Variants in C16orf90 observed in about 807,000 individuals in gnomAD.
C16orf90 encodes uncharacterized protein C16orf90.
In C16orf90, 17 loss-of-function variants were observed where a neutral mutation model predicts 17.1. The ratio of observed to expected loss-of-function variants is 1.00; its 90% CI spans 0.68 to 1.49. The LOEUF (loss-of-function observed/expected upper bound fraction) is 1.49. Among genes scored for constraint, C16orf90 ranks in the 40% most tolerant of loss-of-function variants. The probability of loss-of-function intolerance (pLI) is 0.00; values close to 1 mark genes in which losing one functional copy is unlikely to be tolerated. For synonymous variants in C16orf90, 108 were observed against 95.8 expected, an observed-to-expected ratio of 1.13 and a Z score of -0.75; for missense variants, 255 against 235.5, an observed-to-expected ratio of 1.08 and a Z score of -0.54.
At position 3,495,237 on chromosome 16, in the gene C16orf90, C is replaced by G. The variant is rs1024716804; in HGVS notation, c.46+139G>C. On this transcript the variant is annotated intron_variant, in intron 1 of 2. Transcript: ENST00000437192. ...AGTGGGTTTGAGAGAAAGTGGCCAG[C>G]CCAGGGGCTCATGGCCTGGCCCAGT... 5.0e-5 allele frequency: 50 copies of G among 996,172 alleles called. No homozygotes were observed. In the African/African-American group the frequency reaches 7.7e-4, roughly 15 times the overall value. The allele number at this position is 996,172 out of a possible 1,614,324, so 61.7% of individuals were successfully genotyped here.
intron 2 of C16orf90, among the ~76,000 whole-genome samples, chr16:3,494,210 C>T (rs2037270338): frequency 6.6e-6 from 1 of 152,164 alleles, no homozygotes. Context: ...CCTCATTTTA[C>T]AAGTGAGAAA....
chr16:3,493,492 T>C lies in C16orf90; in HGVS notation c.*347A>G. 5.3e-6 allele frequency: 1 copy of C among 187,602 alleles called. No homozygotes were observed. The highest frequency in any genetic ancestry group is 1.1e-5 in the Non-Finnish European group (1 of 88,496). The allele number at this position is 187,602 out of a possible 1,614,324, so 11.6% of individuals were successfully genotyped here. On this transcript the variant is annotated 3_prime_UTR_variant, in exon 3 of 3. Coordinates refer to ENST00000437192, the MANE Select transcript of C16orf90 (RefSeq NM_001080524.2). ...GCAGATGGACAAGAACGTGCAGGCC[T>C]TGGCTTTTATTGAGATCAGAGCTGT...
At chr16:3,496,475 G>A (rs2037311647), upstream of C16orf90, 2 of 754,130 alleles carry the variant, frequency 2.7e-6, no homozygotes, top group Non-Finnish European at 4.4e-6. Context: ...CGGATGACGC[G>A]AGGGTTCAGG....
chr16:3,496,515 C>T, upstream of C16orf90: 1 of 589,160 alleles, frequency 1.7e-6, no homozygotes, highest in South Asian at 1.4e-5. Context: ...GTGTGCGCTG[C>T]CCGTGACCAG....
chr16:3,496,478 G>T (rs1207364656), upstream of C16orf90: 4 of 749,050 alleles, frequency 5.3e-6, no homozygotes, highest in South Asian at 2.7e-5. Context: ...ATGACGCGAG[G>T]GTTCAGGAGG....
upstream of C16orf90, chr16:3,496,371 C>G (rs1489299512): frequency 8.2e-7 from 1 of 1,214,026 alleles, no homozygotes; most frequent in South Asian, 1.2e-5. Context: ...ATGAGTCGCA[C>G]CAACCGGCCA....
chr16:3,496,090 C>G (rs1008226068), upstream of C16orf90: 8 of 352,506 alleles, frequency 2.3e-5, no homozygotes, highest in Non-Finnish European at 4.4e-5. Flanking sequence ...GCAGTGAGCC[C>G]AGATCGCGCC....
At chr16:3,495,628 G>T, upstream of C16orf90, 1 of 1,108,190 alleles carries the variant, frequency 9.0e-7, no homozygotes, top group South Asian at 1.6e-5. Flanking sequence ...CATGGGAAGG[G>T]GCCAGAACCC....
chr16:3,495,833 CG>C (rs1330495828), upstream of C16orf90, among the ~76,000 whole-genome samples: 1 of 151,994 alleles, frequency 6.6e-6, no homozygotes, highest in Non-Finnish European at 1.5e-5. Context: ...GGGCTGGGGG[CG>C]GTGGCTCATG....
upstream of C16orf90, chr16:3,496,518 G>T (rs986975428): frequency 1.7e-6 from 1 of 580,796 alleles, no homozygotes; most frequent in South Asian, 1.4e-5. Flanking sequence ...TGCGCTGCCC[G>T]TGACCAGCCG....
rs1205781465 is a variant in C16orf90, at chr16:3,494,530, T to C, written c.394A>G (p.Ser132Gly). 2.5e-6 allele frequency: 4 copies of C among 1,612,664 alleles called. No homozygotes were observed. The highest frequency in any genetic ancestry group is 2.2e-5 in the East Asian group (1 of 44,868). ...CTGCCTTGACAGAGCTCACCACTGC[T>C]TCCCAGGCTGTCCCTGGGCAATCGG... ...EARLPRDSLGSSASSSSMDPD... is the reference protein window; with the variant it reads ...EARLPRDSLGGSASSSSMDPD... Residue 132 changes from serine (S) to glycine (G), a missense_variant, in exon 2 of 3, where the codon AGC becomes GGC. Ser to Gly is a moderately conservative substitution (Grantham distance 56). Coordinates refer to ENST00000437192, the MANE Select transcript of C16orf90 (RefSeq NM_001080524.2).
upstream of C16orf90, chr16:3,496,109 C>A (rs555362989): frequency 5.4e-6 from 2 of 369,410 alleles, no homozygotes; most frequent in Admixed American, 3.7e-5. Context: ...CCACTGCACT[C>A]CAGCCTGGGC....
At chr16:3,495,680 TAAAA>T (rs1307525310), upstream of C16orf90, among the ~76,000 whole-genome samples, 1 of 152,168 alleles carries the variant, frequency 6.6e-6, no homozygotes, top group East Asian at 1.9e-4. Context: ...TCAGGCCACA[TAAAA>T]CAGACAGCTC....
rs371648199 is a variant in C16orf90, at chr16:3,494,739, A to C, written c.185T>G (p.Leu62Arg). 1 of 1,605,034 alleles carries C rather than the reference A, an allele frequency of 6.2e-7. No individual in the cohort carries two copies. Among genetic ancestry groups the C allele is most frequent in the South Asian group, 1.1e-5 (1 of 90,856 alleles). The change falls in exon 2 of 3, where the codon CTC (leucine) becomes CGC (arginine). Residue 62 changes from leucine to arginine, a missense_variant. Physicochemically the swap from Leu to Arg is moderately radical, Grantham distance 102. Coordinates refer to ENST00000437192, the MANE Select transcript of C16orf90 (RefSeq NM_001080524.2). Reference sequence around the variant, plus strand: ...CTCCAGGTAGAGGCCCAGGCCCCGGAGGTGGCGCAGCCGGAAGTTCTTGGG... The same window carrying C: ...CTCCAGGTAGAGGCCCAGGCCCCGGCGGTGGCGCAGCCGGAAGTTCTTGGG... ...SKPKNFRLRH[L>R]RGLGLYLESH...
chr16:3,494,504 C>A lies in C16orf90; in HGVS notation c.400+20G>T. The stretch of plus-strand genomic sequence containing the variant: ...CCTAGGGTCTTCCCCCGTGCCCAGT[C>A]CTGCCTTGACAGAGCTCACCACTGC... On this transcript the variant is annotated intron_variant, in intron 2 of 2. Coordinates refer to ENST00000437192, the MANE Select transcript of C16orf90 (RefSeq NM_001080524.2). 6.2e-7 allele frequency: 1 copy of A among 1,607,384 alleles called. No individual in the cohort carries two copies. Among genetic ancestry groups the A allele is most frequent in the South Asian group, 1.1e-5 (1 of 90,674 alleles).
In C16orf90 at chr16:3,494,802, G is replaced by A. The variant is rs767209858; in HGVS notation, c.122C>T (p.Ser41Phe). The A allele has an allele frequency of 1.3e-6, 2 of 1,581,372 alleles. No individual in the cohort carries two copies. The highest frequency in any genetic ancestry group is 1.4e-5 in the African/African-American group (1 of 73,626). The change falls in exon 2 of 3, where the codon TCC becomes TTC. Residue 41 changes from serine (S) to phenylalanine (F), a missense_variant. Physicochemically the swap from Ser to Phe is radical, Grantham distance 155. Transcript: ENST00000437192. ...PPNIYEGGLGSPQPQCPSAQG... is the reference protein window; with the variant it reads ...PPNIYEGGLGFPQPQCPSAQG... ...GGCACTGGGGCACTGCGGCTGCGGGGACCCCAGGCCCCCCTCGTAGATGTT... is the reference window on the plus strand; with the variant it reads ...GGCACTGGGGCACTGCGGCTGCGGGAACCCCAGGCCCCCCTCGTAGATGTT...
upstream of C16orf90, among the ~76,000 whole-genome samples, chr16:3,495,925 G>T (rs1170968016): frequency 6.6e-6 from 1 of 152,124 alleles, no homozygotes; most frequent in African/African-American, 2.4e-5. Flanking sequence ...CGGATCATGA[G>T]GTCAGGAGAT....
upstream of C16orf90, chr16:3,496,313 A>G: frequency 9.7e-7 from 1 of 1,034,390 alleles, no homozygotes; most frequent in Non-Finnish European, 1.5e-6. Flanking sequence ...GTTACCGTCC[A>G]GACGAACTAA....
chr16:3,495,178 G>C (rs2037290495), intron 1 of C16orf90, among the ~76,000 whole-genome samples, 198 bp downstream of exon 1: 1 of 152,212 alleles, frequency 6.6e-6, no homozygotes, highest in South Asian at 2.1e-4. Context: ...GCTACCCTAG[G>C]AAGAGTATTC....
Sources: allele counts gnomAD v4.1 joint callset (sites outside exome capture counted in the v4.1 genomes callset), GRCh38; gene constraint gnomAD v4.1.1; transcripts MANE v1.5; gene names NCBI Gene and HGNC (gene_info 2026-07-23, HGNC 2026-07-21).